The following YTHDF2 variants were observed in gnomAD, a reference collection of about 807,000 sequenced individuals.
The protein encoded by YTHDF2 is YTH domain-containing family protein 2.
YTHDF2 carries 2 observed loss-of-function variants against 50.4 expected under a neutral mutation model. That is an observed-to-expected ratio of 0.04 (90% CI 0.02 to 0.12). The LOEUF (loss-of-function observed/expected upper bound fraction) is 0.12. YTHDF2 is among the 10% of genes least tolerant of loss of function. The probability of loss-of-function intolerance (pLI) is 1.00; values close to 1 mark genes in which losing one functional copy is unlikely to be tolerated. For synonymous variants in YTHDF2, 217 were observed against 255.6 expected (o/e 0.85, Z 1.44); for missense variants, 483 against 722.6 (o/e 0.67, Z 3.80).
At chr1:28,757,945 T>G (rs186709490) in intron 4 of YTHDF2, among the ~76,000 whole-genome samples, 2 of 152,280 alleles carry the variant, frequency 1.3e-5, no homozygotes, top group East Asian at 3.9e-4. Flanking sequence ...ATCCTCAATC[T>G]CTTGTAATAA....
chr1:28,750,461 G>A (rs1485356872), intron 4 of YTHDF2, among the ~76,000 whole-genome samples: 1 of 152,232 alleles, frequency 6.6e-6, no homozygotes, highest in Admixed American at 6.5e-5. Flanking sequence ...TAGGGATGTT[G>A]TAGAGGGGGT....
chr1:28,753,599 T>TATGGTATGTTTTCAGAATGAGAAGTTTA (rs2087990766), intron 4 of YTHDF2, among the ~76,000 whole-genome samples: 1 of 151,896 alleles, frequency 6.6e-6, no homozygotes, highest in African/African-American at 2.4e-5. Flanking sequence ...TGAGAATGCT[T>TATGGTATGTTTTCAGAATGAGAAGTTTA]ATGGTATGTT....
intron 4 of YTHDF2, among the ~76,000 whole-genome samples, chr1:28,755,726 AT>A (rs1354729403): frequency 6.6e-6 from 1 of 152,218 alleles, no homozygotes; most frequent in Non-Finnish European, 1.5e-5. Flanking sequence ...CAGGTTGAGT[AT>A]TCCTAATTTG....
chr1:28,739,085 T>C (rs1325584055), intron 3 of YTHDF2: 1 of 152,112 alleles, frequency 6.6e-6, no homozygotes, highest in African/African-American at 2.4e-5. Context: ...TAATGTAAAA[T>C]CACCTGAAGG....
chr1:28,764,821 C>T (rs978806305), intron 4 of YTHDF2, among the ~76,000 whole-genome samples: 13 of 151,598 alleles, frequency 8.6e-5, no homozygotes, highest in African/African-American at 2.9e-4. Flanking sequence ...TAGGATTACT[C>T]GGGTGATCCA....
intron 4 of YTHDF2, among the ~76,000 whole-genome samples, chr1:28,761,750 G>A (rs989527156): frequency 6.6e-6 from 1 of 151,452 alleles, no homozygotes; most frequent in Admixed American, 6.6e-5. Flanking sequence ...AGTAGAGTCA[G>A]GTTCTCAGTA....
At position 28,769,172 on chromosome 1, in the gene YTHDF2, G is replaced by A. The variant is rs1570486193; in HGVS notation, c.*220G>A. 1 of 370,380 alleles carries A rather than the reference G, an allele frequency of 2.7e-6. No homozygotes were observed. Among genetic ancestry groups the A allele is most frequent in the African/African-American group, 2.1e-5 (1 of 47,664 alleles). The allele number at this position is 370,380 out of a possible 1,614,324, so 22.9% of individuals were successfully genotyped here. A position where few individuals can be genotyped will look rare whatever the true frequency, so the allele number is the denominator to read the frequency against. On this transcript the variant is annotated 3_prime_UTR_variant, in exon 5 of 5. Coordinates refer to ENST00000373812, the MANE Select transcript of YTHDF2 (RefSeq NM_016258.3). ...AAAACTAAACAAAAAATCCCTCTAG[G>A]TAGTTTAGGTGAAAAATGTCCCTTT...
At chr1:28,766,733 C>T (rs577757812) in intron 4 of YTHDF2, among the ~76,000 whole-genome samples, 1 of 151,966 alleles carries the variant, frequency 6.6e-6, no homozygotes, top group Non-Finnish European at 1.5e-5. Flanking sequence ...ATTAATATTA[C>T]GTAATGCTCA....
intron 3 of YTHDF2, among the ~76,000 whole-genome samples, chr1:28,738,741 G>A (rs1270389998): frequency 6.6e-6 from 1 of 152,098 alleles, no homozygotes; most frequent in African/African-American, 2.4e-5. Context: ...GCCTAGCCGA[G>A]GATTCACTTT....
chr1:28,741,164 A>T (rs993608781), intron 3 of YTHDF2, among the ~76,000 whole-genome samples: 1 of 151,460 alleles, frequency 6.6e-6, no homozygotes, highest in Non-Finnish European at 1.5e-5. Flanking sequence ...CGCCTGGCTA[A>T]TTTTTGTATT....
chr1:28,750,349 G>A (rs2087932445), intron 4 of YTHDF2, among the ~76,000 whole-genome samples: 1 of 152,092 alleles, frequency 6.6e-6, no homozygotes, highest in Non-Finnish European at 1.5e-5. Flanking sequence ...AATGGATAGA[G>A]GTTATATGGA....
At position 28,743,362 on chromosome 1, in the gene YTHDF2, T is replaced by C; in HGVS notation, c.1092T>C (p.Asn364=). 6.2e-7 allele frequency: 1 copy of C among 1,614,156 alleles called. No individual in the cohort carries two copies. The highest frequency in any genetic ancestry group is 8.5e-7 in the Non-Finnish European group (1 of 1,180,030). The change falls in exon 4 of 5, where the codon AAT becomes AAC. Residue 364 remains asparagine, a synonymous_variant. Transcript: ENST00000373812. This position sits in a 1 kb window ranked among gnomAD's most constrained non-coding sequence, Gnocchi z 6.9. The part of the protein sequence containing the change: ...PRNRGSGFGH[N]GVDGNGVGQS... ...ACCGTGGCAGTGGGTTCGGTCATAA[T>C]GGGGTGGATGGTAATGGAGTAGGAC... is the stretch of plus-strand genomic sequence containing the variant.
At chr1:28,767,718 C>T (rs1007887649) in intron 4 of YTHDF2, among the ~76,000 whole-genome samples, 5 of 150,896 alleles carry the variant, frequency 3.3e-5, no homozygotes, top group South Asian at 2.1e-4. Flanking sequence ...CCGTGTTAGC[C>T]GGGATGGTCT....
intron 4 of YTHDF2, among the ~76,000 whole-genome samples, chr1:28,762,820 CTATTT>C (rs914146187): frequency 1.3e-5 from 2 of 152,014 alleles, no homozygotes; most frequent in African/African-American, 4.8e-5. Context: ...ACTGAATTTT[CTATTT>C]TATTTTATTT....
At chr1:28,758,279 T>A (rs1412900365) in intron 4 of YTHDF2, among the ~76,000 whole-genome samples, 2 of 151,992 alleles carry the variant, frequency 1.3e-5, no homozygotes, top group Non-Finnish European at 2.9e-5. Flanking sequence ...GGTGGAAGGA[T>A]CCCCTGAGCC....
At chr1:28,757,957 C>G (rs2088060108) in intron 4 of YTHDF2, among the ~76,000 whole-genome samples, 3 of 152,012 alleles carry the variant, frequency 2.0e-5, no homozygotes. Flanking sequence ...TTGTAATAAT[C>G]CTGTAAAAGA....
chr1:28,757,655 A>G (rs938462463), intron 4 of YTHDF2, among the ~76,000 whole-genome samples: 6 of 152,222 alleles, frequency 3.9e-5, no homozygotes, highest in Non-Finnish European at 5.9e-5. Flanking sequence ...AAATCTTGCA[A>G]TGTGCAAACT....
In YTHDF2 at chr1:28,738,345, A is replaced by G; in HGVS notation, c.132+7A>G. 2 of 1,608,978 alleles carry G rather than the reference A, an allele frequency of 1.2e-6. No individual in the cohort carries two copies. The highest frequency in any genetic ancestry group is 1.3e-5 in the African/African-American group (1 of 74,958). On this transcript the variant is annotated splice_region_variant and intron_variant, in intron 3 of 4. Transcript: ENST00000373812. ...GAGTCCACAGGCAAGGCCCGTGAGT[A>G]GTTAACTATTTACATATCTAATCGA...
chr1:28,740,562 C>A (rs2087759992), intron 3 of YTHDF2, among the ~76,000 whole-genome samples: 1 of 152,046 alleles, frequency 6.6e-6, no homozygotes, highest in Non-Finnish European at 1.5e-5. Flanking sequence ...AATAATACTT[C>A]AAGTTTAATC....
Sources: allele counts gnomAD v4.1 joint callset (sites outside exome capture counted in the v4.1 genomes callset), GRCh38; gene constraint gnomAD v4.1.1; non-coding constraint Gnocchi (gnomAD v3.1); transcripts MANE v1.5; gene names NCBI Gene and HGNC (gene_info 2026-07-23, HGNC 2026-07-21).